Variants in ATP2B2 observed in about 807,000 individuals in gnomAD.
ATP2B2 encodes the protein plasma membrane calcium-transporting ATPase 2.
A neutral mutation model predicts 120.0 loss-of-function variants in ATP2B2; 15 were observed. That is an observed-to-expected ratio of 0.12 (90% CI 0.08 to 0.19). The LOEUF (loss-of-function observed/expected upper bound fraction) is 0.19. Ranked by LOEUF, ATP2B2 falls within the 10% of genes least tolerant of loss-of-function variation. ATP2B2 has a pLI of 1.00. For synonymous variants in ATP2B2, 694 were observed against 700.3 expected (o/e 0.99, Z 0.14); for missense variants, 1,045 against 1,719.8 (o/e 0.61, Z 6.94).
intron 1 of ATP2B2, among the ~76,000 whole-genome samples, chr3:10,621,051 CTGAG>C (rs1433072814): frequency 3.3e-5 from 5 of 152,210 alleles, no homozygotes; most frequent in Non-Finnish European, 7.3e-5. Context: ...GCACTTGGTG[CTGAG>C]CTCTCCTGAG....
In ATP2B2 at chr3:10,326,107, C is replaced by G. The variant is rs1319625295; in HGVS notation, c.*2707G>C. On this transcript the variant is annotated 3_prime_UTR_variant, in exon 23 of 23. Transcript: ENST00000360273. Reference sequence around the variant, plus strand: ...GTGAGTTCTTTATTTACATTATTGTCTAGATAAAAAAATTCATAAAAACAG... The same window carrying G: ...GTGAGTTCTTTATTTACATTATTGTGTAGATAAAAAAATTCATAAAAACAG... 6.6e-6 allele frequency: 1 copy of G among 151,776 alleles called. No homozygotes were observed. Among genetic ancestry groups the G allele is most frequent in the African/African-American group, 2.4e-5 (1 of 41,090 alleles). The allele number at this position is 151,776 out of a possible 1,614,324, so 9.4% of individuals were successfully genotyped here.
At chr3:10,658,637 G>C (rs7649412) in intron 1 of ATP2B2, among the ~76,000 whole-genome samples, 33,869 of 151,724 alleles carry the variant, frequency 0.22, 6,419 homozygotes, top group African/African-American at 0.51. Context: ...CTGAAAGTGA[G>C]GGGGAGAATG....
intron 13 of ATP2B2, 75 bp downstream of exon 13, chr3:10,359,807 C>T: frequency 6.2e-7 from 1 of 1,603,026 alleles, no homozygotes; most frequent in Non-Finnish European, 8.5e-7. Context: ...GCGGCCAGTG[C>T]TATATGACCC....
At chr3:10,492,941 A>C (rs2065990460) in intron 1 of ATP2B2, among the ~76,000 whole-genome samples, 1 of 152,158 alleles carries the variant, frequency 6.6e-6, no homozygotes, top group Admixed American at 6.5e-5. Flanking sequence ...CTCTGCTCCC[A>C]CTACCTCCCT....
At chr3:10,575,141 A>C (rs942525182) in intron 2 of ATP2B2, among the ~76,000 whole-genome samples, 2 of 152,146 alleles carry the variant, frequency 1.3e-5, no homozygotes, top group African/African-American at 4.8e-5. Flanking sequence ...AGCTGAAAGA[A>C]AGAGCTGGAA....
rs368641566 is a variant in ATP2B2 at position 10,386,462 on chromosome 3, G to A, written c.940+18C>T. On this transcript the variant is annotated intron_variant, in intron 7 of 22. Coordinates refer to ENST00000360273, the MANE Select transcript of ATP2B2 (RefSeq NM_001001331.4). ...CTATTTCTAAAAGCCCATCTACCCT[G>A]AGGGTGTCTTACTGTACCTGGTAGC... is the stretch of plus-strand genomic sequence containing the variant. The A allele has an allele frequency of 7.4e-6, 12 of 1,613,466 alleles. No homozygotes were observed. The highest frequency in any genetic ancestry group is 9.3e-6 in the Non-Finnish European group (11 of 1,179,488).
intron 22 of ATP2B2, chr3:10,330,352 T>C (rs1321560337): frequency 6.5e-6 from 1 of 153,480 alleles, no homozygotes; most frequent in East Asian, 1.9e-4. Flanking sequence ...AGCTCTCTGG[T>C]TGTCCTCTGT....
At chr3:10,653,605 G>A (rs1321997876) in intron 1 of ATP2B2, among the ~76,000 whole-genome samples, 7 of 152,182 alleles carry the variant, frequency 4.6e-5, no homozygotes, top group Admixed American at 2.0e-4. Context: ...ACTCACCAAC[G>A]AGTATTTCTT....
At chr3:10,428,309 C>T (rs1392853190) in intron 2 of ATP2B2, among the ~76,000 whole-genome samples, 5 of 152,244 alleles carry the variant, frequency 3.3e-5, no homozygotes, top group Non-Finnish European at 5.9e-5. Flanking sequence ...CAACTATGGT[C>T]ATAAAAGGCT....
intron 1 of ATP2B2, among the ~76,000 whole-genome samples, chr3:10,697,765 C>A (rs750635924): frequency 6.6e-6 from 1 of 152,248 alleles, no homozygotes; most frequent in Non-Finnish European, 1.5e-5. Context: ...ACCATCCCCT[C>A]AAATTGACAG....
intron 2 of ATP2B2, among the ~76,000 whole-genome samples, chr3:10,556,336 G>A (rs1444193579): frequency 1.3e-5 from 2 of 152,204 alleles, no homozygotes; most frequent in Non-Finnish European, 2.9e-5. Context: ...CACTAGCACT[G>A]GGGGGACAAG....
At chr3:10,528,526 G>A (rs973013781) in intron 3 of ATP2B2, among the ~76,000 whole-genome samples, 4 of 152,154 alleles carry the variant, frequency 2.6e-5, no homozygotes, top group African/African-American at 4.8e-5. Flanking sequence ...TGAGCAACTT[G>A]TCCTTCCTCC....
chr3:10,638,332 G>A (rs574859201), intron 1 of ATP2B2, among the ~76,000 whole-genome samples: 1 of 152,084 alleles, frequency 6.6e-6, no homozygotes, highest in African/African-American at 2.4e-5. Context: ...AAAGTCAAAT[G>A]TATGACAATA....
chr3:10,702,717 G>A (rs2071837046), intron 1 of ATP2B2, among the ~76,000 whole-genome samples: 1 of 152,128 alleles, frequency 6.6e-6, no homozygotes, highest in South Asian at 2.1e-4. Flanking sequence ...TTTTAAATAA[G>A]GAACCGGGTC....
chr3:10,560,755 TG>T (rs1213284098), intron 2 of ATP2B2, among the ~76,000 whole-genome samples: 7 of 152,328 alleles, frequency 4.6e-5, no homozygotes, highest in South Asian at 2.1e-4. Context: ...AAGGGGCTTC[TG>T]GGGGCTGGAT....
intron 2 of ATP2B2, among the ~76,000 whole-genome samples, chr3:10,419,915 G>C (rs2062916187): frequency 1.3e-5 from 2 of 152,186 alleles, no homozygotes; most frequent in South Asian, 4.1e-4. Context: ...TGCGACAATG[G>C]GGTGCTCAGG....
At chr3:10,471,184 C>G (rs970560688) in intron 1 of ATP2B2, among the ~76,000 whole-genome samples, 1 of 152,248 alleles carries the variant, frequency 6.6e-6, no homozygotes, top group Non-Finnish European at 1.5e-5. Context: ...TCCCTGCCCC[C>G]AGCACAGTGT....
chr3:10,500,181 A>G (rs1422990073), intron 1 of ATP2B2, among the ~76,000 whole-genome samples: 1 of 151,414 alleles, frequency 6.6e-6, no homozygotes, highest in Non-Finnish European at 1.5e-5. Context: ...CAGGTGATCC[A>G]CCTGTCTTGG....
chr3:10,648,465 A>T (rs2070375806), intron 1 of ATP2B2, among the ~76,000 whole-genome samples: 2 of 152,180 alleles, frequency 1.3e-5, no homozygotes, highest in South Asian at 4.1e-4. Context: ...TGACTCTGCC[A>T]TCAAGGCCCA....
Sources: allele counts gnomAD v4.1 joint callset (sites outside exome capture counted in the v4.1 genomes callset), GRCh38; gene constraint gnomAD v4.1.1; transcripts MANE v1.5; gene names NCBI Gene and HGNC (gene_info 2026-07-23, HGNC 2026-07-21).